Variants in MIS18A observed in about 807,000 individuals in gnomAD.
MIS18A encodes protein Mis18-alpha.
A neutral mutation model predicts 25.0 loss-of-function variants in MIS18A; 14 were observed. The observed-to-expected ratio is 0.56, with a 90% CI of 0.37 to 0.88. The LOEUF (loss-of-function observed/expected upper bound fraction) is 0.88. MIS18A is among the 40% of genes least tolerant of loss of function. MIS18A has a pLI of 0.00. For synonymous variants in MIS18A, 134 were observed against 118.6 expected (o/e 1.13, Z -0.84); for missense variants, 292 against 290.8 (o/e 1.00, Z -0.03).
At chr21:32,161,174 T>C in the MIS18A span, among the ~76,000 whole-genome samples, 5 of 152,362 alleles carry the variant, frequency 3.3e-5, no homozygotes, top group African/African-American at 1.2e-4. Context: ...GTTCATACTT[T>C]AGCTTGATTT....
chr21:32,194,397 C>T, the MIS18A span, among the ~76,000 whole-genome samples: 7 of 152,070 alleles, frequency 4.6e-5, no homozygotes, highest in South Asian at 6.2e-4. Context: ...TGGTGGCTCA[C>T]GCCTATAATC....
downstream of MIS18A, among the ~76,000 whole-genome samples, chr21:32,264,868 G>C (rs1407632646): frequency 6.6e-6 from 1 of 152,202 alleles, no homozygotes; most frequent in East Asian, 1.9e-4. Flanking sequence ...GGTGCCTCCA[G>C]TGGACTCTTT....
rs1011074299 is a variant in MIS18A at position 32,268,730 on chromosome 21, G to A, written c.*307C>T. 5.3e-5 allele frequency: 11 copies of A among 208,248 alleles called. No homozygotes were observed. The highest frequency in any genetic ancestry group is 1.0e-4 in the East Asian group (1 of 9,940). The allele number at this position is 208,248 out of a possible 1,614,324, so 12.9% of individuals were successfully genotyped here. A position where few individuals can be genotyped will look rare whatever the true frequency, so the allele number is the denominator to read the frequency against. ...GTACCATAAAACGTCTTTAAAATGC[G>A]ATTTTGAGAAACAATCACTTCTTTA... On this transcript the variant is annotated 3_prime_UTR_variant, in exon 5 of 5. Transcript: ENST00000290130.
chr21:32,155,858 A>G, the MIS18A span, among the ~76,000 whole-genome samples: 2 of 152,284 alleles, frequency 1.3e-5, no homozygotes, highest in Admixed American at 6.5e-5. Flanking sequence ...GGCCATATAG[A>G]CTTCTTTTAA....
chr21:32,252,123 C>T, the MIS18A span, among the ~76,000 whole-genome samples: 1 of 151,748 alleles, frequency 6.6e-6, no homozygotes, highest in Admixed American at 6.6e-5. Context: ...AAGTTTGACA[C>T]TGCAGTGAAC....
At chr21:32,184,794 T>C in the MIS18A span, among the ~76,000 whole-genome samples, 1 of 152,136 alleles carries the variant, frequency 6.6e-6, no homozygotes, top group African/African-American at 2.4e-5. Context: ...CTGAGTCCTC[T>C]GGGCACAAAA....
chr21:32,229,407 C>A, the MIS18A span, among the ~76,000 whole-genome samples: 95 of 152,064 alleles, frequency 6.2e-4, 1 homozygote, highest in Middle Eastern at 6.8e-3. Flanking sequence ...CATTAGAGTT[C>A]TTGGATTTTT....
the MIS18A span, among the ~76,000 whole-genome samples, chr21:32,201,407 A>T: frequency 2.0e-5 from 3 of 152,166 alleles, no homozygotes; most frequent in Non-Finnish European, 2.9e-5. Context: ...AGAACTTCGG[A>T]AGGCAATTTA....
the MIS18A span, among the ~76,000 whole-genome samples, chr21:32,199,011 A>T: frequency 6.6e-6 from 1 of 152,162 alleles, no homozygotes; most frequent in Non-Finnish European, 1.5e-5. Context: ...CAGTTGATTC[A>T]TATGCACATT....
At chr21:32,185,292 T>C in the MIS18A span, among the ~76,000 whole-genome samples, 2 of 152,100 alleles carry the variant, frequency 1.3e-5, no homozygotes, top group Non-Finnish European at 2.9e-5. Context: ...ACTGATTGGT[T>C]AGTTTGGGAG....
the MIS18A span, among the ~76,000 whole-genome samples, chr21:32,244,443 T>C: frequency 6.6e-6 from 1 of 152,194 alleles, no homozygotes. Context: ...TGACTTTTAC[T>C]AAATCAGTGG....
the MIS18A span, among the ~76,000 whole-genome samples, chr21:32,215,618 G>A: frequency 6.6e-6 from 1 of 152,138 alleles, no homozygotes; most frequent in Non-Finnish European, 1.5e-5. Flanking sequence ...AGCAGAGGCA[G>A]GCTGAACATA....
the MIS18A span, among the ~76,000 whole-genome samples, chr21:32,161,682 G>A: frequency 6.8e-6 from 1 of 147,542 alleles, no homozygotes; most frequent in Non-Finnish European, 1.5e-5. Context: ...AGTAGAGATG[G>A]GATTTCACCA....
chr21:32,161,476 T>TTTTG, the MIS18A span, among the ~76,000 whole-genome samples: 20,971 of 150,496 alleles, frequency 0.14, 2,682 homozygotes, highest in African/African-American at 0.34. Flanking sequence ...GAAGCTTGTT[T>TTTTG]TTTGTTTGTT....
At chr21:32,192,415 C>G in the MIS18A span, among the ~76,000 whole-genome samples, 1 of 152,136 alleles carries the variant, frequency 6.6e-6, no homozygotes, top group Non-Finnish European at 1.5e-5. Context: ...CATATGGGTA[C>G]TCCTTTGTAT....
the MIS18A span, among the ~76,000 whole-genome samples, chr21:32,198,200 T>C: frequency 6.6e-6 from 1 of 152,104 alleles, no homozygotes; most frequent in South Asian, 2.1e-4. Context: ...TGTGCACATA[T>C]GGGAAGGGAA....
At chr21:32,196,100 T>A in the MIS18A span, among the ~76,000 whole-genome samples, 1 of 152,114 alleles carries the variant, frequency 6.6e-6, no homozygotes, top group Non-Finnish European at 1.5e-5. Flanking sequence ...TGTCCAGATA[T>A]TTGGTAAAAC....
chr21:32,187,659 C>A, the MIS18A span, among the ~76,000 whole-genome samples: 1 of 152,120 alleles, frequency 6.6e-6, no homozygotes, highest in African/African-American at 2.4e-5. Context: ...TGAGCCCTCG[C>A]ATAATAAATC....
chr21:32,191,743 C>A, the MIS18A span, among the ~76,000 whole-genome samples: 23,025 of 151,944 alleles, frequency 0.15, 1,858 homozygotes, highest in East Asian at 0.24. Flanking sequence ...GTCTCTACTA[C>A]AAATACAAAA....
Sources: allele counts gnomAD v4.1 joint callset (sites outside exome capture counted in the v4.1 genomes callset), GRCh38; gene constraint gnomAD v4.1.1; transcripts MANE v1.5; gene names NCBI Gene and HGNC (gene_info 2026-07-23, HGNC 2026-07-21).